NRG3: variants seen among roughly 807,000 people sequenced by gnomAD.
NRG3 encodes the protein pro-neuregulin-3, membrane-bound isoform.
Under a neutral mutation model 66.9 loss-of-function variants are expected in NRG3, and 31 were observed. That is an observed-to-expected ratio of 0.46 (90% CI 0.35 to 0.63). The LOEUF (loss-of-function observed/expected upper bound fraction) is 0.63. Ranked by LOEUF, NRG3 falls within the 20% of genes least tolerant of loss-of-function variation. The pLI is 0.00. For synonymous variants in NRG3, 393 were observed against 359.4 expected, an observed-to-expected ratio of 1.09 and a Z score of -1.06; for missense variants, 910 against 878.9, an observed-to-expected ratio of 1.04 and a Z score of -0.45.
In NRG3 at chr10:81,885,797, A is replaced by G. The variant is rs965303622; in HGVS notation, c.823+9634A>G. ...TAAACTAACAATGACAGTTGTGCTC[A>G]TTGTTAGTCTATGAGGGGGGCCACT... On this transcript the variant is annotated intron_variant, in intron 1 of 8. Transcript: ENST00000372141. 6.6e-5 allele frequency among the ~76,000 whole-genome samples: 10 copies of G among 152,224 alleles called. 4 individuals are homozygous for G. The highest frequency in any genetic ancestry group is 6.5e-4 in the Admixed American group (10 of 15,282).
At chr10:82,658,222 T>C (rs987546000) in intron 2 of NRG3, among the ~76,000 whole-genome samples, 7 of 152,164 alleles carry the variant, frequency 4.6e-5, no homozygotes, top group Non-Finnish European at 7.4e-5. Context: ...CAAGTATTTA[T>C]CTTAGAGACA....
chr10:82,717,309 G>T (rs2494020), intron 2 of NRG3, among the ~76,000 whole-genome samples: 16 of 150,922 alleles, frequency 1.1e-4, no homozygotes, highest in African/African-American at 3.9e-4. Flanking sequence ...AATGTTTTGG[G>T]CATTATCTGT....
At chr10:82,943,864 A>G (rs1848779588) in intron 4 of NRG3, among the ~76,000 whole-genome samples, 1 of 152,246 alleles carries the variant, frequency 6.6e-6, no homozygotes, top group African/African-American at 2.4e-5. Flanking sequence ...TTATCGAATT[A>G]CTATGTGCTA....
In NRG3 at chr10:82,784,224, C is replaced by A. The variant is rs569576951; in HGVS notation, c.1027+45574C>A. On this transcript the variant is annotated intron_variant, in intron 3 of 8. Transcript: ENST00000372141. ...AAATGAATTCAAGATGGATTAAAGA[C>A]TTAAACGTTAGACCTAAAACCATAA... Among the ~76,000 whole-genome samples the A allele has an allele frequency of 3.9e-5, 6 of 152,158 alleles. No individual in the cohort carries two copies. The South Asian group carries it at 1.2e-3, about 32-fold the overall frequency.
intron 1 of NRG3, among the ~76,000 whole-genome samples, chr10:82,104,701 A>T (rs1038522295): frequency 1.3e-5 from 2 of 152,150 alleles, no homozygotes; most frequent in Non-Finnish European, 2.9e-5. Flanking sequence ...TTTATTGAAG[A>T]TAGTATGTGT....
intron 1 of NRG3, among the ~76,000 whole-genome samples, chr10:82,013,863 C>T (rs914490258): frequency 3.9e-5 from 6 of 151,910 alleles, no homozygotes; most frequent in African/African-American, 9.7e-5. Context: ...ACAATTTATT[C>T]GTATTTTTTT....
intron 2 of NRG3, among the ~76,000 whole-genome samples, chr10:82,575,925 T>C (rs2046000792): frequency 6.6e-6 from 1 of 151,732 alleles, no homozygotes; most frequent in Admixed American, 6.6e-5. Context: ...TGAATGGATT[T>C]CTGGGTCTCC....
At chr10:82,322,223 CATA>C (rs950428391) in intron 1 of NRG3, among the ~76,000 whole-genome samples, 6 of 152,052 alleles carry the variant, frequency 3.9e-5, no homozygotes, top group African/African-American at 1.4e-4. Context: ...GTTAAATGCC[CATA>C]ATAAGTCAGG....
intron 2 of NRG3, among the ~76,000 whole-genome samples, chr10:82,483,604 C>T (rs11194635): frequency 0.018 from 2,676 of 152,292 alleles, 123 homozygotes; most frequent in East Asian, 0.17. Flanking sequence ...TGTAGCTTTT[C>T]ACATTTCACA....
chr10:82,313,201 G>A (rs116327688), intron 1 of NRG3, among the ~76,000 whole-genome samples: 3,701 of 152,058 alleles, frequency 0.024, 59 homozygotes, highest in African/African-American at 0.045. Flanking sequence ...GCTGGGCATG[G>A]TGGTGTGTGC....
intron 3 of NRG3, among the ~76,000 whole-genome samples, chr10:82,787,010 T>C (rs2060395158): frequency 6.6e-6 from 1 of 152,118 alleles, no homozygotes; most frequent in Admixed American, 6.6e-5. Flanking sequence ...AATAAATAAA[T>C]CTCTGTTCTT....
intron 4 of NRG3, among the ~76,000 whole-genome samples, chr10:82,901,649 A>C (rs1844232545): frequency 6.6e-6 from 1 of 152,342 alleles, no homozygotes; most frequent in Admixed American, 6.5e-5. Flanking sequence ...AGAATGGTAC[A>C]TACAGAACAG....
chr10:82,066,472 T>C (rs1012287480), intron 1 of NRG3, among the ~76,000 whole-genome samples: 1 of 152,198 alleles, frequency 6.6e-6, no homozygotes, highest in Admixed American at 6.5e-5. Flanking sequence ...GTTTTACTTA[T>C]GGTTAACTGA....
In NRG3 at chr10:82,440,595, T is replaced by C. The variant is rs192218626; in HGVS notation, c.953+81727T>C. On this transcript the variant is annotated intron_variant, in intron 2 of 8. Transcript: ENST00000372141. ...CTAATATCTTATCTGTAACATTGCT[T>C]AAACATGACTTTGTGGAACTCTTGT... 7.9e-5 allele frequency among the ~76,000 whole-genome samples: 12 copies of C among 152,254 alleles called. No individual in the cohort carries two copies. In the East Asian group the frequency reaches 2.3e-3, roughly 29 times the overall value.
chr10:82,355,130 A>T (rs969513702), intron 1 of NRG3, among the ~76,000 whole-genome samples: 2 of 152,242 alleles, frequency 1.3e-5, no homozygotes, highest in African/African-American at 4.8e-5. Context: ...GCTTTAAAAA[A>T]TATAAACAAG....
chr10:82,550,120 T>C (rs1219117620), intron 2 of NRG3, among the ~76,000 whole-genome samples: 1 of 152,186 alleles, frequency 6.6e-6, no homozygotes, highest in Non-Finnish European at 1.5e-5. Context: ...GTTCAATGTG[T>C]AATATGAACT....
intron 1 of NRG3, among the ~76,000 whole-genome samples, chr10:82,239,718 A>T (rs944279135): frequency 1.3e-5 from 2 of 151,920 alleles, no homozygotes; most frequent in Admixed American, 1.3e-4. Flanking sequence ...AGTCATAAAG[A>T]TATTTTCTCA....
chr10:82,032,678 G>T (rs919263452), intron 1 of NRG3, among the ~76,000 whole-genome samples: 1 of 151,986 alleles, frequency 6.6e-6, no homozygotes, highest in Non-Finnish European at 1.5e-5. Flanking sequence ...CATTTTATAA[G>T]AAAGTTATTT....
chr10:82,418,072 T>C lies in NRG3; in HGVS notation c.953+59204T>C, dbSNP rs370461610. On this transcript the variant is annotated intron_variant, in intron 2 of 8. Transcript: ENST00000372141. ...TATCAGAATTTGCCATTTTAGTGATTGAAACATTTTAGGGCCAAATGTGCC... is the reference window on the plus strand; with the variant it reads ...TATCAGAATTTGCCATTTTAGTGATCGAAACATTTTAGGGCCAAATGTGCC... Among the ~76,000 whole-genome samples the C allele has an allele frequency of 1.7e-4, 26 of 152,314 alleles. 1 individual carries two copies. In the East Asian group the frequency reaches 1.9e-3, roughly 11 times the overall value.
Sources: allele counts gnomAD v4.1 joint callset (sites outside exome capture counted in the v4.1 genomes callset), GRCh38; gene constraint gnomAD v4.1.1; transcripts MANE v1.5; gene names NCBI Gene and HGNC (gene_info 2026-07-23, HGNC 2026-07-21).